The following ARHGAP32 variants were observed in gnomAD, a reference collection of about 807,000 sequenced individuals.
ARHGAP32 encodes the protein Rho GTPase activating protein 32, also known as rho GTPase-activating protein 32.
ARHGAP32 carries 51 observed loss-of-function variants against 186.5 expected under a neutral mutation model. The ratio of observed to expected loss-of-function variants is 0.27; its 90% CI spans 0.22 to 0.35. The LOEUF (loss-of-function observed/expected upper bound fraction) is 0.35, where lower values mean the gene tolerates loss of function less well. Ranked by LOEUF, ARHGAP32 falls within the 10% of genes least tolerant of loss-of-function variation. The probability of loss-of-function intolerance (pLI) is 1.00; values close to 1 mark genes in which losing one functional copy is unlikely to be tolerated. For missense variants in ARHGAP32, 2,186 were observed against 2,623.5 expected, an observed-to-expected ratio of 0.83 and a Z score of 3.64; for synonymous variants, 950 against 964.3, an observed-to-expected ratio of 0.99 and a Z score of 0.27.
At chr11:129,085,575 C>A (rs1941363277) in intron 6 of ARHGAP32, among the ~76,000 whole-genome samples, 1 of 152,026 alleles carries the variant, frequency 6.6e-6, no homozygotes, top group Non-Finnish European at 1.5e-5. Flanking sequence ...AGTCAAAATC[C>A]CAGCAAGTTA....
intron 11 of ARHGAP32, among the ~76,000 whole-genome samples, chr11:129,011,820 T>C (rs374414970): frequency 1.6e-4 from 24 of 152,006 alleles, no homozygotes; most frequent in African/African-American, 5.8e-4. Context: ...TCAGGATACA[T>C]TAAGTCAAAA....
At chr11:129,064,147 A>AAAACTACC in intron 8 of ARHGAP32, 123 bp from the exon 9 acceptor site, 1 of 918,062 alleles carries the variant, frequency 1.1e-6, no homozygotes, top group Non-Finnish European at 1.5e-6. Flanking sequence ...TTAAAAAAAA[A>AAAACTACC]AACTACCATT....
chr11:129,035,152 T>C (rs1939278557), intron 11 of ARHGAP32, among the ~76,000 whole-genome samples: 6 of 150,926 alleles, frequency 4.0e-5, no homozygotes, highest in Admixed American at 4.0e-4. Flanking sequence ...TAGACAAGCT[T>C]CCCCCTCTTT....
rs768230666 is a variant in ARHGAP32 at position 128,972,981 on chromosome 11, T to G, written c.3525A>C (p.Pro1175=). ...QPHQAYLSGD[P]EKARITSVPL... is the part of the protein sequence containing the mutation. Reference sequence around the variant, plus strand: ...GAACTGAAGTAATTCTGGCCTTTTCTGGGTCCCCAGATAAATATGCTTGAT... The same window carrying G: ...GAACTGAAGTAATTCTGGCCTTTTCGGGGTCCCCAGATAAATATGCTTGAT... The change falls in exon 22 of 23, where the codon CCA becomes CCC. Residue 1175 remains proline, a synonymous_variant. Coordinates refer to ENST00000682385, the MANE Select transcript of ARHGAP32 (RefSeq NM_001378024.1). The G allele has an allele frequency of 1.1e-4, 182 of 1,613,962 alleles. No individual in the cohort carries two copies. Among genetic ancestry groups the G allele is most frequent in the Non-Finnish European group, 1.5e-4 (176 of 1,180,042 alleles).
chr11:129,151,457 T>C (rs1039519871), intron 2 of ARHGAP32, among the ~76,000 whole-genome samples: 54 of 152,280 alleles, frequency 3.5e-4, no homozygotes, highest in Middle Eastern at 6.8e-3. Flanking sequence ...TTCTCCAAGA[T>C]AGACCAATGA....
intron 5 of ARHGAP32, among the ~76,000 whole-genome samples, chr11:129,108,392 A>G (rs1003148811): frequency 6.6e-6 from 1 of 152,196 alleles, no homozygotes; most frequent in Non-Finnish European, 1.5e-5. Flanking sequence ...AAAAATGAAC[A>G]TTATATATTG....
intron 10 of ARHGAP32, among the ~76,000 whole-genome samples, chr11:129,059,946 G>A (rs1389564090): frequency 6.6e-6 from 1 of 152,138 alleles, no homozygotes; most frequent in African/African-American, 2.4e-5. Context: ...CAATCAAGAT[G>A]AAAAATAGCA....
chr11:129,082,490 C>A (rs890192053), intron 6 of ARHGAP32, among the ~76,000 whole-genome samples: 1 of 151,864 alleles, frequency 6.6e-6, no homozygotes, highest in East Asian at 1.9e-4. Flanking sequence ...TAAAAACATA[C>A]AGTGGGGAAA....
chr11:129,076,008 G>A (rs538609162), intron 6 of ARHGAP32, among the ~76,000 whole-genome samples: 33 of 152,100 alleles, frequency 2.2e-4, no homozygotes, highest in African/African-American at 7.0e-4. Context: ...GCCAAAACCC[G>A]CCAAAACCAA....
intron 1 of ARHGAP32, among the ~76,000 whole-genome samples, chr11:129,252,861 G>C (rs977200341): frequency 1.3e-5 from 2 of 152,116 alleles, no homozygotes; most frequent in Non-Finnish European, 2.9e-5. Flanking sequence ...GCTCCTTTCT[G>C]GACTAAACAT....
At chr11:129,255,282 T>C (rs1385041132) in intron 1 of ARHGAP32, among the ~76,000 whole-genome samples, 4 of 152,050 alleles carry the variant, frequency 2.6e-5, no homozygotes, top group East Asian at 1.9e-4. Context: ...TGCAATGCAA[T>C]TGAAAAGGAT....
intron 1 of ARHGAP32, among the ~76,000 whole-genome samples, chr11:129,180,956 T>C (rs1944042115): frequency 6.6e-6 from 1 of 152,130 alleles, no homozygotes; most frequent in African/African-American, 2.4e-5. Flanking sequence ...TTCTTGCTCA[T>C]AACTTATGAA....
At chr11:129,240,021 T>C (rs1327974779) in intron 1 of ARHGAP32, among the ~76,000 whole-genome samples, 1 of 152,162 alleles carries the variant, frequency 6.6e-6, no homozygotes, top group African/African-American at 2.4e-5. Context: ...CAGTGACAAA[T>C]TAAATAATTT....
At chr11:129,093,829 T>C (rs1046830419) in intron 5 of ARHGAP32, 122 bp from the exon 6 acceptor site, 1 of 676,460 alleles carries the variant, frequency 1.5e-6, no homozygotes, top group Non-Finnish European at 2.6e-6. Flanking sequence ...ATGTGAGACA[T>C]ATCTTATATG....
chr11:128,973,539 A>C (rs113379359), intron 21 of ARHGAP32, 107 bp from the exon 22 acceptor site: 3 of 1,204,576 alleles, frequency 2.5e-6, no homozygotes, highest in Non-Finnish European at 3.5e-6. Context: ...GGTGCCTTCC[A>C]TATTTCAAAA....
At chr11:129,087,652 T>C (rs898433540) in intron 6 of ARHGAP32, among the ~76,000 whole-genome samples, 1 of 152,218 alleles carries the variant, frequency 6.6e-6, no homozygotes, top group African/African-American at 2.4e-5. Context: ...TATGATACTA[T>C]ACTGGTGATA....
intron 10 of ARHGAP32, among the ~76,000 whole-genome samples, chr11:129,048,075 C>A (rs1939888297): frequency 6.6e-6 from 1 of 151,866 alleles, no homozygotes; most frequent in Non-Finnish European, 1.5e-5. Flanking sequence ...AATTCCCCCA[C>A]CCCCCACTCT....
chr11:129,228,125 A>G (rs1418608883), intron 1 of ARHGAP32, among the ~76,000 whole-genome samples: 1 of 152,198 alleles, frequency 6.6e-6, no homozygotes, highest in African/African-American at 2.4e-5. Context: ...CTCCTAAATA[A>G]TAGGTCAAAA....
At chr11:129,037,591 C>T (rs879294640) in intron 11 of ARHGAP32, among the ~76,000 whole-genome samples, 9 of 151,870 alleles carry the variant, frequency 5.9e-5, no homozygotes, top group Non-Finnish European at 8.8e-5. Flanking sequence ...TAATATTTCC[C>T]GAGTTGATCT....
Sources: allele counts gnomAD v4.1 joint callset (sites outside exome capture counted in the v4.1 genomes callset), GRCh38; gene constraint gnomAD v4.1.1; transcripts MANE v1.5; gene names NCBI Gene and HGNC (gene_info 2026-07-23, HGNC 2026-07-21).